FGL1: variants seen among roughly 807,000 people sequenced by gnomAD.
The protein encoded by FGL1 is fibrinogen-like protein 1.
A neutral mutation model predicts 43.7 loss-of-function variants in FGL1; 59 were observed. The ratio of observed to expected loss-of-function variants is 1.35; its 90% CI spans 1.10 to 1.68. The LOEUF is 1.68. FGL1 is among the 40% of genes most tolerant of loss of function. The pLI is 0.00. For missense variants in FGL1, 596 were observed against 373.0 expected (o/e 1.60, Z -4.92); for synonymous variants, 192 against 126.5 (o/e 1.52, Z -3.48).
intron 1 of FGL1, among the ~76,000 whole-genome samples, chr8:17,887,397 G>A (rs763105031): frequency 4.4e-4 from 67 of 152,166 alleles, no homozygotes; most frequent in Non-Finnish European, 9.1e-4. Flanking sequence ...TTCAACGTAA[G>A]TCTTCTTTCT....
At chr8:17,884,921 CA>C (rs1399787716) in intron 2 of FGL1, among the ~76,000 whole-genome samples, 1 of 152,076 alleles carries the variant, frequency 6.6e-6, no homozygotes, top group Non-Finnish European at 1.5e-5. Flanking sequence ...TTGAAAAGCT[CA>C]AGGTTAATTT....
At chr8:17,894,289 C>A (rs1424844566) in intron 1 of FGL1, among the ~76,000 whole-genome samples, 2 of 146,962 alleles carry the variant, frequency 1.4e-5, no homozygotes, top group African/African-American at 5.4e-5. Flanking sequence ...AATAAGTTAG[C>A]ATTCACAAAC....
At chr8:17,878,275 A>T (rs1563454291) in intron 3 of FGL1, among the ~76,000 whole-genome samples, 1 of 152,220 alleles carries the variant, frequency 6.6e-6, no homozygotes, top group Non-Finnish European at 1.5e-5. Context: ...TCATTTGAAT[A>T]TATTTTAATC....
chr8:17,878,085 T>A (rs1317776098), intron 3 of FGL1, among the ~76,000 whole-genome samples: 1 of 152,086 alleles, frequency 6.6e-6, no homozygotes, highest in African/African-American at 2.4e-5. Flanking sequence ...GCCTCCTGAG[T>A]AGCTGGGCCT....
At chr8:17,892,852 T>A (rs1356333704) in intron 1 of FGL1, among the ~76,000 whole-genome samples, 2 of 152,234 alleles carry the variant, frequency 1.3e-5, no homozygotes, top group African/African-American at 4.8e-5. Flanking sequence ...AAAGTTTTCT[T>A]ATGCATTTGT....
rs967403377 is a variant in FGL1 at position 17,872,363 on chromosome 8, C to T, written c.502+1656G>A. 4.9e-5 allele frequency among the ~76,000 whole-genome samples: 7 copies of T among 142,716 alleles called. No individual in the cohort carries two copies. In the South Asian group the frequency reaches 8.9e-4, roughly 18 times the overall value. The allele number at this position is 142,716 out of a possible 152,430, so 93.6% of individuals were successfully genotyped here. The stretch of plus-strand genomic sequence containing the variant: ...TGTCACCCAGGCTGGAGTGGATTGG[C>T]GCAATCTTGGCTCACTGCAACCTCC... On this transcript the variant is annotated intron_variant, in intron 5 of 7. Transcript: ENST00000427924.
intron 3 of FGL1, among the ~76,000 whole-genome samples, chr8:17,880,483 G>A (rs1397126169): frequency 6.6e-6 from 1 of 152,096 alleles, no homozygotes; most frequent in Non-Finnish European, 1.5e-5. Context: ...TTCAATTCTA[G>A]TCAAATAGGT....
At chr8:17,876,027 C>T in intron 3 of FGL1, among the ~76,000 whole-genome samples, 1 of 152,096 alleles carries the variant, frequency 6.6e-6, no homozygotes, top group Non-Finnish European at 1.5e-5. Flanking sequence ...CTCTATTGTT[C>T]AGATGCATAG....
rs745878739 is a variant in FGL1, at chr8:17,881,987, G to C, written c.244+12C>G. ...TAAGTTATAGAAACACTTAAGAAAA[G>C]TCCATTCTGACCTGCATACTGCCTC... On this transcript the variant is annotated intron_variant, in intron 3 of 7. Transcript: ENST00000427924. 4 of 1,610,660 alleles carry C rather than the reference G, an allele frequency of 2.5e-6. No individual in the cohort carries two copies. Among genetic ancestry groups the C allele is most frequent in the Admixed American group, 3.3e-5 (2 of 59,810 alleles).
intron 1 of FGL1, among the ~76,000 whole-genome samples, chr8:17,892,926 G>T: frequency 6.6e-6 from 1 of 152,116 alleles, no homozygotes; most frequent in East Asian, 1.9e-4. Context: ...TTAGCCAGGC[G>T]TGGTGGCTCA....
Position 17,873,816 on chromosome 8 carries a change from C to T in FGL1, c.502+203G>A, listed in dbSNP as rs189833189. On this transcript the variant is annotated intron_variant, in intron 5 of 7. Coordinates refer to ENST00000427924, the MANE Select transcript of FGL1 (RefSeq NM_004467.4). ...ATATATATGTGAAAACAATTCCCCGCAACCCAATTCTAGCTTTTTTTTCTG... is the reference window on the plus strand; with the variant it reads ...ATATATATGTGAAAACAATTCCCCGTAACCCAATTCTAGCTTTTTTTTCTG... Among the ~76,000 whole-genome samples the T allele has an allele frequency of 4.7e-4, 71 of 151,482 alleles. No individual in the cohort carries two copies. The East Asian group carries it at 9.1e-3, about 19-fold the overall frequency.
In FGL1 at chr8:17,866,328, G is replaced by A. The variant is rs34320689; in HGVS notation, c.780-1577C>T. Among the ~76,000 whole-genome samples the A allele has an allele frequency of 3.3e-3, 469 of 141,340 alleles. 2 individuals carry two copies. Among genetic ancestry groups the A allele is most frequent in the African/African-American group, 0.012 (450 of 37,230 alleles). The allele number at this position is 141,340 out of a possible 152,430, so 92.7% of individuals were successfully genotyped here. On this transcript the variant is annotated intron_variant, in intron 7 of 7. Transcript: ENST00000427924. The stretch of plus-strand genomic sequence containing the variant: ...ACTAACAAAGAAAAGACATCAACTC[G>A]CAGTGATTGGTTTGCTATGTGGAAA...
chr8:17,890,242 A>T (rs372294538), intron 1 of FGL1, among the ~76,000 whole-genome samples: 11 of 152,214 alleles, frequency 7.2e-5, no homozygotes, highest in African/African-American at 2.2e-4. Flanking sequence ...CCAATGGAAG[A>T]TTCCAAACAA....
At chr8:17,880,272 G>A (rs2053515151) in intron 3 of FGL1, among the ~76,000 whole-genome samples, 1 of 152,138 alleles carries the variant, frequency 6.6e-6, no homozygotes, top group African/African-American at 2.4e-5. Context: ...CTGAGCAGAG[G>A]GAGATAAGGA....
At chr8:17,868,478 T>C (rs1033313995) in intron 7 of FGL1, 70 bp downstream of exon 7, 17 of 1,129,712 alleles carry the variant, frequency 1.5e-5, no homozygotes, top group Admixed American at 1.3e-4. Context: ...ATACATATTA[T>C]ATTGATAATT....
chr8:17,882,822 A>AATATATAATATATAG lies in FGL1; in HGVS notation c.64-644_64-643insCTATATATTATATAT, dbSNP rs1563457647. Among the ~76,000 whole-genome samples, 105 of 29,192 alleles carry AATATATAATATATAG rather than the reference A, an allele frequency of 3.6e-3. 2 individuals are homozygous for AATATATAATATATAG. The highest frequency in any genetic ancestry group is 9.0e-3 in the African/African-American group (69 of 7,672). 19.2% of individuals were successfully genotyped at this position (29,192 alleles called of 152,430 possible). The stretch of plus-strand genomic sequence containing the variant: ...TATATTAAACAATATATAATATATC[A>AATATATAATATATAG]TATATAATATATTAAATAATATATA... On this transcript the variant is annotated intron_variant, in intron 2 of 7. Coordinates refer to ENST00000427924, the MANE Select transcript of FGL1 (RefSeq NM_004467.4).
At chr8:17,870,034 C>A (rs1317600558) in intron 5 of FGL1, among the ~76,000 whole-genome samples, 1 of 152,030 alleles carries the variant, frequency 6.6e-6, no homozygotes, top group Non-Finnish European at 1.5e-5. Context: ...GGCGTGAACC[C>A]AGAAGGCAGA....
intron 1 of FGL1, among the ~76,000 whole-genome samples, chr8:17,890,741 C>T (rs762729825): frequency 3.3e-5 from 5 of 152,106 alleles, no homozygotes; most frequent in Admixed American, 6.6e-5. Flanking sequence ...AACTTACAGT[C>T]GTGGTGGAAG....
At chr8:17,895,223 A>G in intron 1 of FGL1, 2 of 856,404 alleles carry the variant, frequency 2.3e-6, no homozygotes, top group Non-Finnish European at 2.8e-6. Context: ...ATTCTAACAT[A>G]CCTTATTTGT....
Sources: allele counts gnomAD v4.1 joint callset (sites outside exome capture counted in the v4.1 genomes callset), GRCh38; gene constraint gnomAD v4.1.1; transcripts MANE v1.5; gene names NCBI Gene and HGNC (gene_info 2026-07-23, HGNC 2026-07-21).